KDM4C: variants seen among roughly 807,000 people sequenced by gnomAD.
KDM4C encodes the protein lysine demethylase 4C, also known as lysine-specific demethylase 4C.
KDM4C carries 81 observed loss-of-function variants against 129.3 expected under a neutral mutation model. The ratio of observed to expected loss-of-function variants is 0.63; its 90% confidence interval spans 0.52 to 0.75. The LOEUF (loss-of-function observed/expected upper bound fraction) is 0.75, where lower values mean the gene tolerates loss of function less well. Ranked by LOEUF, KDM4C falls within the 30% of genes least tolerant of loss-of-function variation. The pLI, the probability that KDM4C is intolerant of heterozygous loss-of-function variation, is 0.00. For missense variants in KDM4C, 1,457 were observed against 1,304.0 expected (o/e 1.12, Z -1.81); for synonymous variants, 573 against 456.1 (o/e 1.26, Z -3.26).
chr9:7,029,271 T>G lies in KDM4C; in HGVS notation c.2259+13342T>G, dbSNP rs990159738. 3.4e-5 allele frequency among the ~76,000 whole-genome samples: 5 copies of G among 145,984 alleles called. No homozygotes were observed. In the South Asian group the frequency reaches 9.1e-4, roughly 26 times the overall value. The stretch of plus-strand genomic sequence containing the variant: ...TAAAAATGTAGAATTTGGAGAGCTT[T>G]CTTTCTGGGTTTCCCCCCACCGTTT... On this transcript the variant is annotated intron_variant, in intron 15 of 21. Coordinates refer to ENST00000381309, the MANE Select transcript of KDM4C (RefSeq NM_015061.6).
At chr9:6,939,008 T>G (rs1207521886) in intron 8 of KDM4C, among the ~76,000 whole-genome samples, 1 of 151,882 alleles carries the variant, frequency 6.6e-6, no homozygotes, top group Non-Finnish European at 1.5e-5. Flanking sequence ...TGTTAAAGAT[T>G]GTAAACATTC....
chr9:6,995,667 C>A lies in KDM4C; in HGVS notation c.1786+5143C>A, dbSNP rs114567775. On this transcript the variant is annotated intron_variant, in intron 12 of 21. Coordinates refer to ENST00000381309, the MANE Select transcript of KDM4C (RefSeq NM_015061.6). ...GTTTCAGAAAGTACTTACACCTTTG[C>A]AGGTTTTAAATTTTTTTTTTTTGAG... is the stretch of plus-strand genomic sequence containing the variant. 6.8e-3 allele frequency among the ~76,000 whole-genome samples: 1,038 copies of A among 152,070 alleles called. 9 individuals are homozygous for A. The highest frequency in any genetic ancestry group is 0.023 in the African/African-American group (968 of 41,484).
intron 15 of KDM4C, among the ~76,000 whole-genome samples, chr9:7,021,926 G>A (rs953976656): frequency 2.6e-5 from 4 of 152,092 alleles, no homozygotes; most frequent in East Asian, 1.9e-4. Flanking sequence ...TGTTCCCAAT[G>A]TATATTCTTG....
At chr9:7,092,570 A>G (rs1587592665) in intron 17 of KDM4C, among the ~76,000 whole-genome samples, 1 of 152,178 alleles carries the variant, frequency 6.6e-6, no homozygotes, top group Admixed American at 6.5e-5. Context: ...AGTAAAATAT[A>G]TATGTAGCTA....
intron 12 of KDM4C, among the ~76,000 whole-genome samples, chr9:7,000,965 T>G (rs1820617286): frequency 6.6e-6 from 1 of 152,222 alleles, no homozygotes; most frequent in Non-Finnish European, 1.5e-5. Flanking sequence ...AATGAAAACT[T>G]AGTCCTGGCT....
intron 19 of KDM4C, among the ~76,000 whole-genome samples, chr9:7,156,438 T>A (rs913863676): frequency 2.6e-5 from 4 of 152,260 alleles, no homozygotes; most frequent in African/African-American, 9.6e-5. Flanking sequence ...CATGCCTGTG[T>A]CCTGAATGGT....
At position 7,094,406 on chromosome 9, in the gene KDM4C, A is replaced by T. The variant is rs185058751; in HGVS notation, c.2425-9279A>T. Among the ~76,000 whole-genome samples the T allele has an allele frequency of 3.6e-4, 55 of 152,270 alleles. No homozygotes were observed. In the East Asian group the frequency reaches 0.01, roughly 28 times the overall value. ...TACATGTGCACAACAATGAGAACAC[A>T]TGGACACAGGAAGGGTAAAAGGAAT... On this transcript the variant is annotated intron_variant, in intron 17 of 21. Transcript: ENST00000381309.
intron 7 of KDM4C, among the ~76,000 whole-genome samples, 183 bp from the exon 8 acceptor site, chr9:6,892,912 T>A (rs1201358799): frequency 6.6e-6 from 1 of 152,230 alleles, no homozygotes; most frequent in Admixed American, 6.5e-5. Flanking sequence ...GGAAAGTCTT[T>A]TAAACGTTTC....
intron 1 of KDM4C, among the ~76,000 whole-genome samples, chr9:6,773,980 C>T (rs1046445566): frequency 6.6e-6 from 1 of 151,784 alleles, no homozygotes. Context: ...CTCCGCCTCC[C>T]GAGTTCAAGC....
At chr9:7,076,941 A>G (rs1377489717) in intron 17 of KDM4C, 9 of 986,138 alleles carry the variant, frequency 9.1e-6, no homozygotes, top group Non-Finnish European at 1.1e-5. Context: ...AAGTTACACC[A>G]TTTTTCTACA....
At chr9:6,836,362 ACT>A (rs1835875038) in intron 4 of KDM4C, among the ~76,000 whole-genome samples, 1 of 152,106 alleles carries the variant, frequency 6.6e-6, no homozygotes. Context: ...ACAGAGCAAG[ACT>A]CTGTCTCAAA....
At chr9:6,881,546 G>C (rs1022553372) in intron 6 of KDM4C, among the ~76,000 whole-genome samples, 1 of 152,184 alleles carries the variant, frequency 6.6e-6, no homozygotes, top group Non-Finnish European at 1.5e-5. Flanking sequence ...CTTGCTACCA[G>C]AGAACTTTTA....
intron 4 of KDM4C, among the ~76,000 whole-genome samples, chr9:6,843,535 G>C (rs1045164129): frequency 6.6e-6 from 1 of 152,108 alleles, no homozygotes; most frequent in Non-Finnish European, 1.5e-5. Context: ...GACTTTTCCT[G>C]TGGTCCTTTC....
In KDM4C at chr9:6,952,727, C is replaced by T. The variant is rs375868993; in HGVS notation, c.922-28198C>T. 2.0e-5 allele frequency among the ~76,000 whole-genome samples: 3 copies of T among 152,230 alleles called. No individual in the cohort carries two copies. The East Asian group carries it at 5.8e-4, about 29-fold the overall frequency. On this transcript the variant is annotated intron_variant, in intron 8 of 21. Transcript: ENST00000381309. ...AACTGATGGGATTACAGGTGTGAGC[C>T]ACTGTGCCCGGCCCCAGAGTATGTT...
intron 1 of KDM4C, among the ~76,000 whole-genome samples, chr9:6,746,695 C>T (rs1437376047): frequency 6.7e-6 from 1 of 148,946 alleles, no homozygotes; most frequent in African/African-American, 2.5e-5. Flanking sequence ...GCCTGGGCAA[C>T]ATGGCAAAAC....
intron 12 of KDM4C, among the ~76,000 whole-genome samples, chr9:6,992,756 C>G (rs970863064): frequency 6.6e-5 from 10 of 152,200 alleles, no homozygotes; most frequent in African/African-American, 2.2e-4. Context: ...GATTTTCTGT[C>G]CTAACTATTC....
intron 8 of KDM4C, among the ~76,000 whole-genome samples, chr9:6,966,235 T>G (rs1243806154): frequency 1.3e-5 from 2 of 152,080 alleles, no homozygotes; most frequent in African/African-American, 4.8e-5. Context: ...CAGGCTGGAG[T>G]GCAGTGGCGG....
At chr9:6,854,634 A>G (rs1369936480) in intron 5 of KDM4C, among the ~76,000 whole-genome samples, 1 of 152,276 alleles carries the variant, frequency 6.6e-6, no homozygotes, top group South Asian at 2.1e-4. Context: ...GAAAAGGTCT[A>G]AAATCAGGAA....
intron 20 of KDM4C, among the ~76,000 whole-genome samples, chr9:7,166,754 G>T (rs1024056332): frequency 1.3e-5 from 2 of 152,120 alleles, no homozygotes; most frequent in African/African-American, 4.8e-5. Flanking sequence ...CACATAATGA[G>T]AATATGTTGA....
Sources: allele counts gnomAD v4.1 joint callset (sites outside exome capture counted in the v4.1 genomes callset), GRCh38; gene constraint gnomAD v4.1.1; transcripts MANE v1.5; gene names NCBI Gene and HGNC (gene_info 2026-07-23, HGNC 2026-07-21).